Variants in POU2F1 observed in about 807,000 individuals in gnomAD.
POU2F1 encodes POU domain, class 2, transcription factor 1.
A neutral mutation model predicts 84.9 loss-of-function variants in POU2F1; 16 were observed. The observed-to-expected ratio is 0.19, with a 90% CI of 0.13 to 0.29. The LOEUF is 0.29. Ranked by LOEUF, POU2F1 falls within the 10% of genes least tolerant of loss-of-function variation. POU2F1 has a pLI of 1.00. For missense variants in POU2F1, 738 were observed against 942.6 expected, an observed-to-expected ratio of 0.78 and a Z score of 2.84; for synonymous variants, 368 against 368.3, an observed-to-expected ratio of 1.00 and a Z score of 0.01.
At chr1:167,364,479 G>A (rs1332127742) in intron 2 of POU2F1, among the ~76,000 whole-genome samples, 2 of 109,458 alleles carry the variant, frequency 1.8e-5, no homozygotes, top group South Asian at 7.2e-4. Context: ...GCAGTGAGCC[G>A]AGATCCCGCC....
At chr1:167,240,039 G>A (rs753984045) in intron 1 of POU2F1, among the ~76,000 whole-genome samples, 4 of 151,878 alleles carry the variant, frequency 2.6e-5, no homozygotes, top group Non-Finnish European at 5.9e-5. Flanking sequence ...GGAAAAGATG[G>A]ATAGATTTAA....
intron 1 of POU2F1, among the ~76,000 whole-genome samples, chr1:167,283,951 C>G (rs1653346246): frequency 6.6e-6 from 1 of 152,140 alleles, no homozygotes; most frequent in South Asian, 2.1e-4. Context: ...TTGAATTTAA[C>G]TAGCTTAATA....
At chr1:167,370,286 T>C in intron 4 of POU2F1, 72 bp downstream of exon 4, 1 of 1,255,066 alleles carries the variant, frequency 8.0e-7, no homozygotes, top group Non-Finnish European at 1.1e-6. Flanking sequence ...AGTGAGCATA[T>C]ATTTTATAAT....
chr1:167,370,350 C>A, intron 4 of POU2F1, 136 bp downstream of exon 4: 2 of 682,082 alleles, frequency 2.9e-6, no homozygotes, highest in Non-Finnish European at 2.2e-6. Context: ...CGTGAAGATT[C>A]AAATAATGAT....
At chr1:167,315,821 C>A (rs539215717) in intron 1 of POU2F1, among the ~76,000 whole-genome samples, 2,520 of 147,930 alleles carry the variant, frequency 0.017, 69 homozygotes, top group African/African-American at 0.06. Flanking sequence ...AAAAAAAAAA[C>A]CCTGAAATTA....
At chr1:167,275,971 A>G (rs1286201427) in intron 1 of POU2F1, among the ~76,000 whole-genome samples, 1 of 152,240 alleles carries the variant, frequency 6.6e-6, no homozygotes, top group Non-Finnish European at 1.5e-5. Flanking sequence ...GCCACATTAT[A>G]TCCAGCAGTT....
intron 1 of POU2F1, among the ~76,000 whole-genome samples, chr1:167,287,947 C>CGAT (rs1394754139): frequency 6.6e-6 from 1 of 152,142 alleles, no homozygotes; most frequent in Non-Finnish European, 1.5e-5. Flanking sequence ...TACTCAGTAG[C>CGAT]GATGATGGAA....
At chr1:167,357,148 C>T (rs1039293498) in intron 2 of POU2F1, among the ~76,000 whole-genome samples, 7 of 152,114 alleles carry the variant, frequency 4.6e-5, no homozygotes, top group African/African-American at 1.7e-4. Flanking sequence ...ACCCGACATT[C>T]CTAGTGGGCA....
intron 3 of POU2F1, among the ~76,000 whole-genome samples, chr1:167,369,445 T>C (rs761805526): frequency 1.1e-4 from 16 of 152,200 alleles, no homozygotes; most frequent in Non-Finnish European, 1.9e-4. Flanking sequence ...TCCTCAGATT[T>C]CTCACCCATT....
At chr1:167,302,615 A>G (rs991491805) in intron 1 of POU2F1, among the ~76,000 whole-genome samples, 2 of 152,196 alleles carry the variant, frequency 1.3e-5, no homozygotes, top group African/African-American at 4.8e-5. Context: ...GTACCATTGC[A>G]TCTCAGCTGT....
intron 1 of POU2F1, among the ~76,000 whole-genome samples, chr1:167,284,609 C>T (rs1394387972): frequency 6.6e-6 from 1 of 152,154 alleles, no homozygotes; most frequent in Non-Finnish European, 1.5e-5. Context: ...AATATAGATA[C>T]TGGTATAACT....
intron 9 of POU2F1, among the ~76,000 whole-genome samples, chr1:167,391,098 C>T (rs765284112): frequency 6.6e-6 from 1 of 151,878 alleles, no homozygotes; most frequent in Non-Finnish European, 1.5e-5. Flanking sequence ...CTTTGATTAA[C>T]CTGTCATAAA....
chr1:167,240,314 G>A (rs925127701), intron 1 of POU2F1, among the ~76,000 whole-genome samples: 1 of 152,138 alleles, frequency 6.6e-6, no homozygotes, highest in Non-Finnish European at 1.5e-5. Flanking sequence ...CTTTAAGTCC[G>A]ATATAAAACA....
intron 1 of POU2F1, among the ~76,000 whole-genome samples, chr1:167,301,565 T>A (rs1382068007): frequency 6.6e-6 from 1 of 152,212 alleles, no homozygotes; most frequent in Non-Finnish European, 1.5e-5. Context: ...ATTACTGTTG[T>A]GAGGACCACA....
At chr1:167,350,324 G>A (rs1658471562) in intron 2 of POU2F1, among the ~76,000 whole-genome samples, 1 of 151,980 alleles carries the variant, frequency 6.6e-6, no homozygotes, top group African/African-American at 2.4e-5. Context: ...TTCTTTTGTT[G>A]GAAATGGGCT....
chr1:167,402,589 T>C (rs1056249382), intron 13 of POU2F1, among the ~76,000 whole-genome samples: 1 of 152,186 alleles, frequency 6.6e-6, no homozygotes, highest in Non-Finnish European at 1.5e-5. Flanking sequence ...AATAGACATA[T>C]ACACAATTTT....
rs1160143035 is a variant in POU2F1 at position 167,235,702 on chromosome 1, T to C, written c.61+14744T>C. Among the ~76,000 whole-genome samples, 2 of 152,180 alleles carry C rather than the reference T, an allele frequency of 1.3e-5. 1 individual carries two copies. The highest frequency in any genetic ancestry group is 2.9e-5 in the Non-Finnish European group (2 of 68,034). The stretch of plus-strand genomic sequence containing the variant: ...TATCCTATTATATACTTGCTGTTTT[T>C]CCCCCATTGCTCTCTATTCTTTAGT... On this transcript the variant is annotated intron_variant, in intron 1 of 15. Transcript: ENST00000367866.
chr1:167,370,036 A>G (rs1475257703), intron 3 of POU2F1, 125 bp from the exon 4 acceptor site: 13 of 772,462 alleles, frequency 1.7e-5, no homozygotes, highest in South Asian at 3.8e-5. Flanking sequence ...TTAACTCCGT[A>G]AGACAAACTT....
chr1:167,295,911 A>C (rs1220122211), intron 1 of POU2F1, among the ~76,000 whole-genome samples: 1 of 152,128 alleles, frequency 6.6e-6, no homozygotes, highest in Non-Finnish European at 1.5e-5. Flanking sequence ...CTGTGAATAG[A>C]TGTGTTATGG....
Sources: allele counts gnomAD v4.1 joint callset (sites outside exome capture counted in the v4.1 genomes callset), GRCh38; gene constraint gnomAD v4.1.1; transcripts MANE v1.5; gene names NCBI Gene and HGNC (gene_info 2026-07-23, HGNC 2026-07-21).